The following ATP11A variants were observed in gnomAD, a reference collection of about 807,000 sequenced individuals.
The protein encoded by ATP11A is phospholipid-transporting ATPase IH.
Under a neutral mutation model 154.4 loss-of-function variants are expected in ATP11A, and 81 were observed. The observed-to-expected ratio is 0.52, with a 90% CI of 0.44 to 0.63. ATP11A has a LOEUF of 0.63. Among genes scored for constraint, ATP11A ranks in the 30% least tolerant of loss-of-function variants. ATP11A has a pLI of 0.00. For synonymous variants in ATP11A, 623 were observed against 585.9 expected, an observed-to-expected ratio of 1.06 and a Z score of -0.91; for missense variants, 1,316 against 1,474.3, an observed-to-expected ratio of 0.89 and a Z score of 1.76.
chr13:112,699,193 AC>A (rs746504286), intron 1 of ATP11A, among the ~76,000 whole-genome samples: 4 of 152,210 alleles, frequency 2.6e-5, no homozygotes, highest in Non-Finnish European at 4.4e-5. Context: ...GCCTTTCCTT[AC>A]AGTTTTTCTG....
intron 16 of ATP11A, among the ~76,000 whole-genome samples, chr13:112,839,348 G>C (rs1220429140): frequency 6.6e-6 from 1 of 152,026 alleles, no homozygotes; most frequent in Admixed American, 6.5e-5. Context: ...AGTCCTAACA[G>C]TGCACCCTCC....
chr13:112,812,183 C>T (rs1038798975), intron 5 of ATP11A: 2 of 152,178 alleles, frequency 1.3e-5, no homozygotes, highest in East Asian at 3.8e-4. Flanking sequence ...TTATACTAGT[C>T]ATTTGGAAGC....
Position 112,697,727 on chromosome 13 carries a change from GTTTTTTTT to G in ATP11A, c.39+7291_39+7298del, listed in dbSNP as rs531749066. 0.013 allele frequency among the ~76,000 whole-genome samples: 1,658 copies of G among 126,578 alleles called. 23 individuals carry two copies. The highest frequency in any genetic ancestry group is 0.02 in the Non-Finnish European group (1,249 of 62,284). 83.0% of individuals were successfully genotyped at this position (126,578 alleles called of 152,430 possible). A position where few individuals can be genotyped will look rare whatever the true frequency, so the allele number is the denominator to read the frequency against. On this transcript the variant is annotated intron_variant, in intron 1 of 29. Coordinates refer to ENST00000375645, the MANE Select transcript of ATP11A (RefSeq NM_015205.3). The surrounding 1 kb of genome is among the most constrained non-coding windows in gnomAD (Gnocchi z 4.0). ...GGATTTGTGCCACGACGCCCGGCCA[GTTTTTTTT>G]TTTTTTTTTTTTTTTTTTAGTAGAG...
chr13:112,824,033 T>A (rs1219493066), intron 9 of ATP11A, among the ~76,000 whole-genome samples: 1 of 152,196 alleles, frequency 6.6e-6, no homozygotes, highest in Non-Finnish European at 1.5e-5. Flanking sequence ...TATTGGGGAT[T>A]TTTTTCAAAT....
At position 112,862,430 on chromosome 13, in the gene ATP11A, T is replaced by G; in HGVS notation, c.2856-10T>G. On this transcript the variant is annotated splice_polypyrimidine_tract_variant and intron_variant, in intron 24 of 29. Transcript: ENST00000375645. ...CGAGGACACACGCTGTGCACCTTTC[T>G]CCTCACCAGGGACGTCGCCAAGAAT... 1 of 1,613,246 alleles carries G rather than the reference T, an allele frequency of 6.2e-7. No individual in the cohort carries two copies. Among genetic ancestry groups the G allele is most frequent in the East Asian group, 2.2e-5 (1 of 44,888 alleles).
At chr13:112,819,541 T>C in intron 7 of ATP11A, 134 bp downstream of exon 7, 2 of 720,712 alleles carry the variant, frequency 2.8e-6, no homozygotes, top group South Asian at 3.6e-5. Flanking sequence ...AGATTAAGAC[T>C]GAGTCAAAAA....
chr13:112,865,445 G>A (rs1340764556), intron 25 of ATP11A, among the ~76,000 whole-genome samples: 13 of 152,138 alleles, frequency 8.5e-5, no homozygotes, highest in South Asian at 2.1e-4. Context: ...GCTTCTCAGC[G>A]GGGTCCATCA....
chr13:112,823,386 T>A lies in ATP11A; in HGVS notation c.767T>A (p.Leu256Gln). ...SENLLLRGATLKNTEKIFGVA... is the reference protein window; with the variant it reads ...SENLLLRGATQKNTEKIFGVA... ...AACCTGCTGCTTAGAGGAGCTACAC[T>A]GAAGAACACTGAGAAAATCTTTGGT... The change falls in exon 9 of 30, where the codon CTG becomes CAG. Residue 256 changes from leucine to glutamine, a missense_variant. Physicochemically the swap from Leu to Gln is moderately radical, Grantham distance 113. Transcript: ENST00000375645. 6.2e-7 allele frequency: 1 copy of A among 1,612,838 alleles called. No homozygotes were observed. The highest frequency in any genetic ancestry group is 8.5e-7 in the Non-Finnish European group (1 of 1,178,982).
At chr13:112,878,909 C>T (rs542264430) in intron 29 of ATP11A, among the ~76,000 whole-genome samples, 23 of 152,354 alleles carry the variant, frequency 1.5e-4, no homozygotes, top group African/African-American at 5.5e-4. Context: ...GACCAAATTC[C>T]CTTTTTACTG....
At chr13:112,834,107 T>G (rs990256615) in intron 14 of ATP11A, among the ~76,000 whole-genome samples, 4 of 152,222 alleles carry the variant, frequency 2.6e-5, no homozygotes, top group Admixed American at 6.5e-5. Context: ...ATTGTATAGA[T>G]GGGTGCACCC....
chr13:112,767,823 C>T (rs982238691), intron 1 of ATP11A, among the ~76,000 whole-genome samples: 6 of 152,144 alleles, frequency 3.9e-5, no homozygotes, highest in Admixed American at 6.5e-5. Context: ...TGGGCTTGAC[C>T]TGAGGCTCAT....
intron 2 of ATP11A, among the ~76,000 whole-genome samples, chr13:112,794,239 T>TA (rs1224547829): frequency 2.6e-5 from 4 of 152,210 alleles, no homozygotes; most frequent in Non-Finnish European, 2.9e-5. Flanking sequence ...GGCCCAGTGT[T>TA]ACATTACATT....
intron 2 of ATP11A, among the ~76,000 whole-genome samples, chr13:112,800,546 CTGG>C: frequency 6.6e-6 from 1 of 151,740 alleles, no homozygotes; most frequent in South Asian, 2.1e-4. Context: ...GATGTTTTCA[CTGG>C]TGAATTCTAC....
Position 112,882,579 on chromosome 13 carries a change from C to G in ATP11A, c.*713C>G. Reference sequence around the variant, plus strand: ...TCTGGGAGTGGTTTCCCTGCGGTTACGTCCAAGCCCGCCTGCCCTGTGTGT... The same window carrying G: ...TCTGGGAGTGGTTTCCCTGCGGTTAGGTCCAAGCCCGCCTGCCCTGTGTGT... On this transcript the variant is annotated 3_prime_UTR_variant, in exon 30 of 30. Transcript: ENST00000375645. This position sits in a 1 kb window ranked among gnomAD's most constrained non-coding sequence, Gnocchi z 5.1. 1 of 409,472 alleles carries G rather than the reference C, an allele frequency of 2.4e-6. No individual in the cohort carries two copies. Among genetic ancestry groups the G allele is most frequent in the Non-Finnish European group, 4.3e-6 (1 of 233,612 alleles). The allele number at this position is 409,472 out of a possible 1,614,324, so 25.4% of individuals were successfully genotyped here.
chr13:112,712,766 C>T (rs550769858), intron 1 of ATP11A, among the ~76,000 whole-genome samples: 1 of 152,296 alleles, frequency 6.6e-6, no homozygotes, highest in Non-Finnish European at 1.5e-5. Context: ...TCTGCCTTTT[C>T]TTATGTCCAC....
At chr13:112,737,361 T>G (rs1254642331) in intron 1 of ATP11A, among the ~76,000 whole-genome samples, 1 of 152,226 alleles carries the variant, frequency 6.6e-6, no homozygotes, top group Non-Finnish European at 1.5e-5. Flanking sequence ...CAGGGCAGGT[T>G]AGGCACTTTG....
At position 112,768,507 on chromosome 13, in the gene ATP11A, C is replaced by T. The variant is rs569042418; in HGVS notation, c.40-16628C>T. On this transcript the variant is annotated intron_variant, in intron 1 of 29. Transcript: ENST00000375645. ...GTATGCTGTTATCCAGTTACTGACTCGCAGTCCTGCAGTTGTCTTCATTAG... is the reference window on the plus strand; with the variant it reads ...GTATGCTGTTATCCAGTTACTGACTTGCAGTCCTGCAGTTGTCTTCATTAG... 9.2e-5 allele frequency among the ~76,000 whole-genome samples: 14 copies of T among 152,332 alleles called. No homozygotes were observed. In the East Asian group the frequency reaches 1.9e-3, roughly 21 times the overall value.
intron 1 of ATP11A, among the ~76,000 whole-genome samples, chr13:112,691,478 A>T (rs373339945): frequency 5.5e-5 from 6 of 109,320 alleles, no homozygotes; most frequent in Admixed American, 3.9e-4. Flanking sequence ...AAAAAAAAAA[A>T]AAAGGGTGTG....
At chr13:112,802,227 T>C (rs2078155099) in intron 2 of ATP11A, among the ~76,000 whole-genome samples, 1 of 151,774 alleles carries the variant, frequency 6.6e-6, no homozygotes, top group Non-Finnish European at 1.5e-5. Context: ...GCGCCTGTAG[T>C]CCCAATTACT....
Sources: gnomAD v4.1 joint callset for allele counts (sites outside exome capture counted in the v4.1 genomes callset) on GRCh38, gnomAD v4.1.1 for gene constraint, Gnocchi (gnomAD v3.1) non-coding constraint, MANE v1.5 for transcripts, NCBI Gene and HGNC (gene_info 2026-07-23, HGNC 2026-07-21) for gene names.